SYT2: variants seen among roughly 807,000 people sequenced by gnomAD.
SYT2 encodes the protein synaptotagmin-2.
SYT2 carries 15 observed loss-of-function variants against 39.9 expected under a neutral mutation model. The ratio of observed to expected loss-of-function variants is 0.38; its 90% CI spans 0.25 to 0.58. SYT2 has a LOEUF of 0.58. Ranked by LOEUF, SYT2 falls within the 20% of genes least tolerant of loss-of-function variation. The pLI, the probability that SYT2 is intolerant of heterozygous loss-of-function variation, is 0.70. For synonymous variants in SYT2, 181 were observed against 204.5 expected (o/e 0.89, Z 0.98); for missense variants, 389 against 530.3 (o/e 0.73, Z 2.62).
At chr1:202,665,586 T>C (rs112854852) in intron 1 of SYT2, among the ~76,000 whole-genome samples, 1 of 152,186 alleles carries the variant, frequency 6.6e-6, no homozygotes, top group African/African-American at 2.4e-5. Flanking sequence ...AGCTGCGACA[T>C]CCTACAAGGC....
At chr1:202,650,440 GT>G (rs1283494428) in intron 1 of SYT2, among the ~76,000 whole-genome samples, 23 of 136,494 alleles carry the variant, frequency 1.7e-4, no homozygotes, top group African/African-American at 2.2e-4. Flanking sequence ...ATATGCTTTT[GT>G]TTTTTTTTTT....
chr1:202,639,549 G>A, intron 1 of SYT2: 1 of 985,428 alleles, frequency 1.0e-6, no homozygotes, highest in Non-Finnish European at 1.2e-6. Flanking sequence ...TCTGTGGAAG[G>A]CGGTGTTCCC....
At chr1:202,600,565 A>C in intron 6 of SYT2, 91 bp from the exon 7 acceptor site, 1 of 1,149,332 alleles carries the variant, frequency 8.7e-7, no homozygotes, top group South Asian at 1.3e-5. Context: ...TTAGCAAGGC[A>C]GTGATGTGTC....
chr1:202,692,654 A>G (rs1306120298), intron 1 of SYT2, among the ~76,000 whole-genome samples: 1 of 152,192 alleles, frequency 6.6e-6, no homozygotes, highest in African/African-American at 2.4e-5. Flanking sequence ...ACAGATGAAA[A>G]AGTGGGGCCC....
rs115871216 is a variant in SYT2 at position 202,698,776 on chromosome 1, C to T, written c.-18+11482G>A. Among the ~76,000 whole-genome samples, 645 of 152,304 alleles carry T rather than the reference C, an allele frequency of 4.2e-3. 7 individuals carry two copies. The highest frequency in any genetic ancestry group is 0.013 in the African/African-American group (543 of 41,578). Reference sequence around the variant, plus strand: ...GGCTAGACACAAGAAAGAACTTCCTCACTCTTAGGGGTCACCAGGGTTAAG... The same window carrying T: ...GGCTAGACACAAGAAAGAACTTCCTTACTCTTAGGGGTCACCAGGGTTAAG... On this transcript the variant is annotated intron_variant, in intron 1 of 8. Transcript: ENST00000367268.
chr1:202,679,689 T>A (rs1653477205), intron 1 of SYT2, among the ~76,000 whole-genome samples: 1 of 152,214 alleles, frequency 6.6e-6, no homozygotes, highest in South Asian at 2.1e-4. Flanking sequence ...AGGAGTCACA[T>A]GTCTGCCAGA....
chr1:202,686,495 G>A (rs1414768433), intron 1 of SYT2, among the ~76,000 whole-genome samples: 1 of 152,114 alleles, frequency 6.6e-6, no homozygotes, highest in East Asian at 1.9e-4. Context: ...CTTGAAGGTG[G>A]ATCCCTAATG....
rs1296365710 is a variant in SYT2, at chr1:202,591,459, C to G, written c.*5298G>C. On this transcript the variant is annotated 3_prime_UTR_variant, in exon 9 of 9. Coordinates refer to ENST00000367268, the MANE Select transcript of SYT2 (RefSeq NM_177402.5). ...CTGGGGCCTTGGAAGCCCCCAGGCCCCTCTACTCACCTCTGCTACTTGGTG... is the reference window on the plus strand; with the variant it reads ...CTGGGGCCTTGGAAGCCCCCAGGCCGCTCTACTCACCTCTGCTACTTGGTG... The G allele has an allele frequency of 2.0e-5, 3 of 152,382 alleles. No homozygotes were observed. Among genetic ancestry groups the G allele is most frequent in the Non-Finnish European group, 4.4e-5 (3 of 68,208 alleles). The allele number at this position is 152,382 out of a possible 1,614,324, so 9.4% of individuals were successfully genotyped here. A position where few individuals can be genotyped will look rare whatever the true frequency, so the allele number is the denominator to read the frequency against.
At chr1:202,597,653 G>A (rs1011565091) in intron 8 of SYT2, among the ~76,000 whole-genome samples, 3 of 152,112 alleles carry the variant, frequency 2.0e-5, no homozygotes, top group Non-Finnish European at 4.4e-5. Flanking sequence ...GACTCCTGAC[G>A]ACTTTAAGAA....
chr1:202,687,660 C>T (rs1417608132), intron 1 of SYT2, among the ~76,000 whole-genome samples: 1 of 120,608 alleles, frequency 8.3e-6, no homozygotes, highest in Non-Finnish European at 1.7e-5. Flanking sequence ...GAGTGAAACT[C>T]CATCTCAAAA....
intron 1 of SYT2, among the ~76,000 whole-genome samples, chr1:202,668,455 A>T (rs1185935160): frequency 2.0e-5 from 3 of 152,190 alleles, no homozygotes; most frequent in Non-Finnish European, 4.4e-5. Flanking sequence ...TAAGAGTGAA[A>T]ACTGCTAGCA....
Position 202,708,469 on chromosome 1 carries a change from G to T in SYT2, c.-18+1789C>A, listed in dbSNP as rs114570641. ...CTCCAGAAAAAGCCAAGCCTCTGGG[G>T]GGAGTCCTAGAGGGTGAAGCCAGGG... On this transcript the variant is annotated intron_variant, in intron 1 of 8. Coordinates refer to ENST00000367268, the MANE Select transcript of SYT2 (RefSeq NM_177402.5). 8.8e-3 allele frequency among the ~76,000 whole-genome samples: 1,346 copies of T among 152,146 alleles called. 15 individuals are homozygous for T. Among genetic ancestry groups the T allele is most frequent in the African/African-American group, 0.031 (1,280 of 41,486 alleles).
chr1:202,642,580 T>C (rs1691946783), intron 1 of SYT2, among the ~76,000 whole-genome samples: 1 of 151,790 alleles, frequency 6.6e-6, no homozygotes, highest in South Asian at 2.1e-4. Flanking sequence ...CCGTGGCGCG[T>C]GTCAAAGTGT....
intron 3 of SYT2, 94 bp downstream of exon 3, chr1:202,604,361 C>T: frequency 7.6e-7 from 1 of 1,317,082 alleles, no homozygotes; most frequent in Non-Finnish European, 1.1e-6. Context: ...GCAGGTTTGG[C>T]TGTGGAAGCC....
intron 1 of SYT2, among the ~76,000 whole-genome samples, chr1:202,615,215 C>T (rs536613886): frequency 1.9e-4 from 29 of 152,186 alleles, no homozygotes; most frequent in African/African-American, 7.0e-4. Flanking sequence ...TTCCAGACTC[C>T]AACAAAACCA....
chr1:202,709,603 G>GC (rs1356785262), intron 1 of SYT2, among the ~76,000 whole-genome samples: 4 of 152,182 alleles, frequency 2.6e-5, no homozygotes, highest in African/African-American at 9.7e-5. Flanking sequence ...CAGGGACGGG[G>GC]CGTCCTAGGT....
intron 1 of SYT2, among the ~76,000 whole-genome samples, chr1:202,646,897 T>G (rs1692095130): frequency 6.6e-6 from 1 of 152,102 alleles, no homozygotes; most frequent in Non-Finnish European, 1.5e-5. Flanking sequence ...TCCTAACTTC[T>G]CCCTCTAGGC....
At chr1:202,701,110 G>A (rs1654110632) in intron 1 of SYT2, among the ~76,000 whole-genome samples, 1 of 152,274 alleles carries the variant, frequency 6.6e-6, no homozygotes, top group South Asian at 2.1e-4. Context: ...TATCACAAAA[G>A]TCCTTTTCAT....
intron 1 of SYT2, among the ~76,000 whole-genome samples, chr1:202,671,230 C>T (rs1364587884): frequency 2.6e-5 from 4 of 152,212 alleles, no homozygotes; most frequent in Admixed American, 2.6e-4. Flanking sequence ...AGCATGAGAA[C>T]CAGAGGCAGC....
Sources: gnomAD v4.1 joint callset for allele counts (sites outside exome capture counted in the v4.1 genomes callset) on GRCh38, gnomAD v4.1.1 for gene constraint, MANE v1.5 for transcripts, NCBI Gene and HGNC (gene_info 2026-07-23, HGNC 2026-07-21) for gene names.